Variants in CCDC66 observed in about 807,000 individuals in gnomAD.
The protein encoded by CCDC66 is coiled-coil domain containing 66.
CCDC66 carries 133 observed loss-of-function variants against 128.3 expected under a neutral mutation model. The observed-to-expected ratio is 1.04, with a 90% CI of 0.90 to 1.20. The LOEUF (loss-of-function observed/expected upper bound fraction) is 1.20, where lower values mean the gene tolerates loss of function less well. CCDC66 is among the 50% of genes most tolerant of loss of function. The pLI is 0.00. For missense variants in CCDC66, 1,126 were observed against 1,075.5 expected (o/e 1.05, Z -0.66); for synonymous variants, 387 against 357.0 (o/e 1.08, Z -0.95).
chr3:56,557,309 A>G, intron 1 of CCDC66, 56 bp downstream of exon 1: 1 of 1,543,854 alleles, frequency 6.5e-7, no homozygotes, highest in Non-Finnish European at 8.7e-7. Flanking sequence ...GTCAGCGGAG[A>G]GGGAGGCATG....
At chr3:56,565,211 A>C (rs1010122298) in intron 4 of CCDC66, 5 of 316,340 alleles carry the variant, frequency 1.6e-5, no homozygotes, top group African/African-American at 1.4e-4. Flanking sequence ...CAAGGTAATG[A>C]GTATTTATCA....
intron 7 of CCDC66, among the ~76,000 whole-genome samples, chr3:56,583,400 A>G (rs2068773433): frequency 6.6e-6 from 1 of 151,886 alleles, no homozygotes; most frequent in Non-Finnish European, 1.5e-5. Context: ...CAGCAGATAA[A>G]CAAGTGAACA....
At chr3:56,566,791 G>A in intron 5 of CCDC66, 32 bp downstream of exon 5, 1 of 1,586,434 alleles carries the variant, frequency 6.3e-7, no homozygotes, top group Non-Finnish European at 8.6e-7. Flanking sequence ...TTATTGTGTG[G>A]TCATCTTCAG....
chr3:56,619,160 C>T, intron 15 of CCDC66, 111 bp from the exon 16 acceptor site: 2 of 938,404 alleles, frequency 2.1e-6, no homozygotes, highest in Non-Finnish European at 3.1e-6. Context: ...CGCCACTGCA[C>T]TCCAGCCTGG....
intron 7 of CCDC66, among the ~76,000 whole-genome samples, chr3:56,584,092 C>T (rs1235068758): frequency 1.7e-4 from 21 of 126,674 alleles, no homozygotes; most frequent in East Asian, 1.2e-3. Context: ...CCGGACGGGG[C>T]GGCTGGCCGG....
At chr3:56,574,502 A>G (rs747603977) in intron 7 of CCDC66, among the ~76,000 whole-genome samples, 3 of 151,868 alleles carry the variant, frequency 2.0e-5, no homozygotes, top group Non-Finnish European at 2.9e-5. Context: ...TGTTTTCAGA[A>G]ATCCCAGCTG....
At chr3:56,574,361 CAAAA>C (rs59285810) in intron 7 of CCDC66, among the ~76,000 whole-genome samples, 1 of 126,598 alleles carries the variant, frequency 7.9e-6, no homozygotes, top group Non-Finnish European at 1.6e-5. Context: ...GACTCTGTCT[CAAAA>C]AAAAAAAAAA....
Position 56,619,401 on chromosome 3 carries a change from T to C in CCDC66, c.2509T>C (p.Ser837Pro). The C allele has an allele frequency of 6.2e-7, 1 of 1,614,080 alleles. No individual in the cohort carries two copies. Among genetic ancestry groups the C allele is most frequent in the Non-Finnish European group, 8.5e-7 (1 of 1,179,984 alleles). ...LISGSNQTEL[S>P]SGISESSHFI... ...CTCAGGAAGTAATCAAACAGAATTA[T>C]CATCTGGGATTTCTGAATCATCCCA... The change falls in exon 16 of 18, where the codon TCA (serine) becomes CCA (proline). Residue 837 changes from serine to proline, a missense_variant. Physicochemically the swap from Ser to Pro is moderately conservative, Grantham distance 74. Transcript: ENST00000394672.
At chr3:56,584,517 C>G (rs1270833409) in intron 7 of CCDC66, among the ~76,000 whole-genome samples, 2 of 149,102 alleles carry the variant, frequency 1.3e-5, no homozygotes, top group Non-Finnish European at 3.0e-5. Context: ...GAGGCGCTCC[C>G]CACATCTCAG....
intron 10 of CCDC66, among the ~76,000 whole-genome samples, chr3:56,600,509 C>A (rs1017738632): frequency 4.6e-5 from 7 of 151,940 alleles, no homozygotes; most frequent in Admixed American, 4.6e-4. Flanking sequence ...AATGGGATTG[C>A]TGGGTCGAAT....
chr3:56,605,807 C>T lies in CCDC66; in HGVS notation c.1405-7782C>T, dbSNP rs533592023. Among the ~76,000 whole-genome samples the T allele has an allele frequency of 9.2e-4, 140 of 152,132 alleles. 6 individuals are homozygous for T. The highest frequency in any genetic ancestry group is 3.4e-3 in the African/African-American group (139 of 41,434). ...AGTAGAGCTCGAATGCTGTGCTGGGCGATCCACTGCTCTCTTCAGAGCCAT... is the reference window on the plus strand; with the variant it reads ...AGTAGAGCTCGAATGCTGTGCTGGGTGATCCACTGCTCTCTTCAGAGCCAT... On this transcript the variant is annotated intron_variant, in intron 10 of 17. Transcript: ENST00000394672.
At chr3:56,573,298 G>C (rs973447077) in intron 7 of CCDC66, among the ~76,000 whole-genome samples, 12 of 152,044 alleles carry the variant, frequency 7.9e-5, no homozygotes, top group African/African-American at 2.7e-4. Context: ...ATGAAATGAC[G>C]AGGCTCATGA....
Position 56,559,549 on chromosome 3 carries a change from A to G in CCDC66, c.77-20A>G, listed in dbSNP as rs1019210986. The stretch of plus-strand genomic sequence containing the variant: ...TATGCTTTTGGTGGATAGTTTAGTA[A>G]TTTCTTTTTTCTTTTGTAGAACATA... On this transcript the variant is annotated intron_variant, in intron 2 of 17. Coordinates refer to ENST00000394672, the MANE Select transcript of CCDC66 (RefSeq NM_001141947.3). The G allele has an allele frequency of 1.3e-5, 19 of 1,506,040 alleles. No individual in the cohort carries two copies. The South Asian group carries it at 1.9e-4, about 15-fold the overall frequency. The allele number at this position is 1,506,040 out of a possible 1,614,324, so 93.3% of individuals were successfully genotyped here.
chr3:56,576,497 G>A (rs1032598853), intron 7 of CCDC66, among the ~76,000 whole-genome samples: 4 of 150,714 alleles, frequency 2.7e-5, no homozygotes, highest in African/African-American at 4.9e-5. Context: ...ATGTTGGTGT[G>A]CTGCACCCAT....
At chr3:56,614,113 G>A (rs1437971793) in intron 11 of CCDC66, among the ~76,000 whole-genome samples, 1 of 152,110 alleles carries the variant, frequency 6.6e-6, no homozygotes. Context: ...ATAACCAGAA[G>A]TTGAACATTT....
At chr3:56,586,018 A>G (rs1161203426) in intron 7 of CCDC66, among the ~76,000 whole-genome samples, 1 of 151,936 alleles carries the variant, frequency 6.6e-6, no homozygotes, top group Non-Finnish European at 1.5e-5. Flanking sequence ...AAAGACTAGT[A>G]CATACATAAA....
In CCDC66 at chr3:56,563,874, A is replaced by G; in HGVS notation, c.293A>G (p.Gln98Arg). ...TCATCCACTAAGGATTTATGTAAAC[A>G]ATGTATAGATAAAGACTGTCTTCAT... Reference protein sequence around the residue: ...TFSSTKDLCKQCIDKDCLHIQ... With the variant: ...TFSSTKDLCKRCIDKDCLHIQ... The change falls in exon 4 of 18, where the codon CAA becomes CGA. Residue 98 changes from glutamine (Q) to arginine (R), a missense_variant. Transcript: ENST00000394672. The G allele has an allele frequency of 1.4e-5, 23 of 1,605,126 alleles. No individual in the cohort carries two copies. Among genetic ancestry groups the G allele is most frequent in the Non-Finnish European group, 2.0e-5 (23 of 1,174,716 alleles).
At position 56,618,061 on chromosome 3, in the gene CCDC66, GTTA is replaced by G. The variant is rs574458386; in HGVS notation, c.2338-108_2338-106del. On this transcript the variant is annotated intron_variant, in intron 14 of 17. Coordinates refer to ENST00000394672, the MANE Select transcript of CCDC66 (RefSeq NM_001141947.3). ...CTATTCCATTGCTCAGTCAGTACCT[GTTA>G]TTCAAATATTACCCTCAGACTATTT... is the stretch of plus-strand genomic sequence containing the variant. 773 of 870,874 alleles carry G rather than the reference GTTA, an allele frequency of 8.9e-4. 2 individuals carry two copies. The African/African-American group carries it at 0.012, about 13-fold the overall frequency. 53.9% of individuals were successfully genotyped at this position (870,874 alleles called of 1,614,324 possible).
rs868270463 is a variant in CCDC66, at chr3:56,596,487, T to A, written c.1404+2459T>A. ...TTGTTGGATGAATAGTTTGCAGATA[T>A]TCAAACTACTGAATATGCAAGCTAT... On this transcript the variant is annotated intron_variant, in intron 10 of 17. Transcript: ENST00000394672. 2.0e-5 allele frequency among the ~76,000 whole-genome samples: 3 copies of A among 151,072 alleles called. No individual in the cohort carries two copies. In the Middle Eastern group the frequency reaches 0.01, roughly 514 times the overall value.
Sources: gnomAD v4.1 joint callset for allele counts (sites outside exome capture counted in the v4.1 genomes callset) on GRCh38, gnomAD v4.1.1 for gene constraint, MANE v1.5 for transcripts, NCBI Gene and HGNC (gene_info 2026-07-23, HGNC 2026-07-21) for gene names.